SGK1: variants seen among roughly 807,000 people sequenced by gnomAD.
SGK1 encodes serum/glucocorticoid regulated kinase 1.
SGK1 carries 26 observed loss-of-function variants against 64.2 expected under a neutral mutation model. The ratio of observed to expected loss-of-function variants is 0.40; its 90% confidence interval spans 0.30 to 0.56. The LOEUF is 0.56. Among genes scored for constraint, SGK1 ranks in the 20% least tolerant of loss-of-function variants. SGK1 has a pLI of 0.38. For synonymous variants in SGK1, 265 were observed against 239.7 expected (o/e 1.11, Z -0.98); for missense variants, 519 against 645.6 (o/e 0.80, Z 2.12).
At chr6:134,242,612 A>C (rs1018182177) in intron 2 of SGK1, among the ~76,000 whole-genome samples, 1 of 151,896 alleles carries the variant, frequency 6.6e-6, no homozygotes, top group Non-Finnish European at 1.5e-5. Flanking sequence ...TAGAATTTTA[A>C]ATTTTTTTAA....
intron 1 of SGK1, among the ~76,000 whole-genome samples, chr6:134,268,104 ACTG>A (rs756395746): frequency 6.6e-6 from 1 of 152,152 alleles, no homozygotes; most frequent in Non-Finnish European, 1.5e-5. Flanking sequence ...GCCCTTCAAA[ACTG>A]CTGAGTAGAG....
chr6:134,252,426 G>C (rs117782155), intron 2 of SGK1, among the ~76,000 whole-genome samples: 14 of 152,250 alleles, frequency 9.2e-5, no homozygotes, highest in African/African-American at 3.4e-4. Flanking sequence ...TTGGGAACAA[G>C]GGCTTGATCA....
chr6:134,173,378 A>T, intron 6 of SGK1, 21 bp from the exon 7 acceptor site: 1 of 1,605,846 alleles, frequency 6.2e-7, no homozygotes, highest in Non-Finnish European at 8.5e-7. Flanking sequence ...AATTTAAAAA[A>T]ATCATTTTTC....
chr6:134,301,535 TC>T (rs1255762882), intron 1 of SGK1, among the ~76,000 whole-genome samples: 4 of 19,898 alleles, frequency 2.0e-4, no homozygotes, highest in African/African-American at 1.4e-3. Flanking sequence ...TCTCTTTTCT[TC>T]TCTTCTCTTC....
At chr6:134,310,352 C>T (rs899564591) in intron 1 of SGK1, among the ~76,000 whole-genome samples, 5 of 152,160 alleles carry the variant, frequency 3.3e-5, no homozygotes, top group African/African-American at 1.2e-4. Context: ...GAAAATGGCT[C>T]ATCATCCACA....
chr6:134,224,772 C>T (rs1776142535), intron 2 of SGK1, among the ~76,000 whole-genome samples: 2 of 151,948 alleles, frequency 1.3e-5, no homozygotes, highest in African/African-American at 4.8e-5. Flanking sequence ...CCTGTAATCC[C>T]AGCACTTTGG....
chr6:134,258,577 T>C, intron 2 of SGK1, among the ~76,000 whole-genome samples: 1 of 151,958 alleles, frequency 6.6e-6, no homozygotes, highest in East Asian at 1.9e-4. Context: ...TGGTGGCGGG[T>C]GCCTGTAATC....
At chr6:134,237,042 TTTTC>T (rs979579616) in intron 2 of SGK1, among the ~76,000 whole-genome samples, 5 of 99,856 alleles carry the variant, frequency 5.0e-5, no homozygotes, top group African/African-American at 1.8e-4. Flanking sequence ...TTGAAATTAA[TTTTC>T]TTTTTCTTTT....
chr6:134,254,941 T>C (rs189057894), intron 2 of SGK1, among the ~76,000 whole-genome samples: 1 of 152,270 alleles, frequency 6.6e-6, no homozygotes, highest in Admixed American at 6.5e-5. Flanking sequence ...CCATCTCGGC[T>C]CACTGCAACC....
intron 3 of SGK1, among the ~76,000 whole-genome samples, chr6:134,190,242 A>T (rs1775488269): frequency 6.6e-6 from 1 of 151,644 alleles, no homozygotes; most frequent in Non-Finnish European, 1.5e-5. Context: ...CAACAATCAA[A>T]GAGCAGAAAT....
intron 1 of SGK1, among the ~76,000 whole-genome samples, chr6:134,282,938 G>A (rs1777116896): frequency 6.6e-6 from 1 of 151,792 alleles, no homozygotes; most frequent in African/African-American, 2.4e-5. Context: ...GAAAGATAGA[G>A]ATAAAAACTC....
intron 3 of SGK1, among the ~76,000 whole-genome samples, chr6:134,188,071 T>C (rs551275847): frequency 1.1e-3 from 175 of 152,316 alleles, no homozygotes; most frequent in African/African-American, 4.1e-3. Flanking sequence ...GGCTACTTTG[T>C]TTATGAGCTC....
intron 1 of SGK1, among the ~76,000 whole-genome samples, chr6:134,315,458 C>A (rs1777667911): frequency 6.6e-6 from 1 of 152,208 alleles, no homozygotes; most frequent in Admixed American, 6.5e-5. Context: ...CTGCAAAATT[C>A]AAGGTCTGCA....
chr6:134,309,136 G>C (rs902654212), intron 1 of SGK1, among the ~76,000 whole-genome samples: 1 of 152,262 alleles, frequency 6.6e-6, no homozygotes, highest in East Asian at 1.9e-4. Flanking sequence ...TAATATTTTG[G>C]CACCTCGAAC....
At chr6:134,224,191 A>G (rs2114705239) in intron 2 of SGK1, among the ~76,000 whole-genome samples, 1 of 152,358 alleles carries the variant, frequency 6.6e-6, no homozygotes, top group Non-Finnish European at 1.5e-5. Flanking sequence ...GCAGAGATAC[A>G]GGGTTTTCAC....
intron 2 of SGK1, among the ~76,000 whole-genome samples, chr6:134,235,013 T>A (rs943984247): frequency 6.6e-6 from 1 of 152,196 alleles, no homozygotes; most frequent in Non-Finnish European, 1.5e-5. Context: ...TTAATTTTCT[T>A]GAAGAGAAGA....
At chr6:134,300,456 T>G (rs947505534) in intron 1 of SGK1, among the ~76,000 whole-genome samples, 1 of 145,162 alleles carries the variant, frequency 6.9e-6, no homozygotes, top group African/African-American at 2.6e-5. Context: ...GAGAATGGCA[T>G]GAACCCGGGA....
At chr6:134,248,490 C>T (rs1004980480) in intron 2 of SGK1, among the ~76,000 whole-genome samples, 11 of 143,112 alleles carry the variant, frequency 7.7e-5, no homozygotes, top group East Asian at 4.1e-4. Context: ...GTCCCTCTGT[C>T]GCCCAGGCTG....
chr6:134,189,223 TGTGTGC>T lies in SGK1; in HGVS notation c.362-14643_362-14638del, dbSNP rs550781554. ...TTATACAGGTGTGTGTGTGTGTGTG[TGTGTGC>T]GTGTGCGTGTGCATGTGTGTATATA... On this transcript the variant is annotated intron_variant, in intron 3 of 13. Coordinates refer to ENST00000367858, the MANE Select transcript of SGK1 (RefSeq NM_001143676.3). Among the ~76,000 whole-genome samples, 630 of 149,804 alleles carry T rather than the reference TGTGTGC, an allele frequency of 4.2e-3. 1 individual carries two copies. The highest frequency in any genetic ancestry group is 5.8e-3 in the Non-Finnish European group (396 of 67,874).
Sources: allele counts gnomAD v4.1 joint callset (sites outside exome capture counted in the v4.1 genomes callset), GRCh38; gene constraint gnomAD v4.1.1; transcripts MANE v1.5; gene names NCBI Gene and HGNC (gene_info 2026-07-23, HGNC 2026-07-21).